Variants in LRRTM3 observed in about 807,000 individuals in gnomAD.
LRRTM3 encodes the protein leucine rich repeat transmembrane neuronal 3.
In LRRTM3, 24 loss-of-function variants were observed where a neutral mutation model predicts 44.7. That is an observed-to-expected ratio of 0.54 (90% CI 0.39 to 0.76). LRRTM3 has a LOEUF of 0.76. Ranked by LOEUF, LRRTM3 falls within the 30% of genes least tolerant of loss-of-function variation. The probability of loss-of-function intolerance (pLI) is 0.00; values close to 1 mark genes in which losing one functional copy is unlikely to be tolerated. For synonymous variants in LRRTM3, 277 were observed against 278.7 expected (o/e 0.99, Z 0.06); for missense variants, 587 against 702.2 (o/e 0.84, Z 1.85).
intron 2 of LRRTM3, among the ~76,000 whole-genome samples, chr10:67,061,686 T>C (rs997653361): frequency 4.6e-5 from 7 of 152,192 alleles, no homozygotes; most frequent in Non-Finnish European, 1.0e-4. Flanking sequence ...ATAAAAGGGA[T>C]GATGAAAGAG....
chr10:66,953,903 C>T (rs991629276), intron 2 of LRRTM3, among the ~76,000 whole-genome samples: 1 of 152,166 alleles, frequency 6.6e-6, no homozygotes, highest in Non-Finnish European at 1.5e-5. Flanking sequence ...TCTGAACCTT[C>T]ATTTCCTCTG....
chr10:66,973,419 A>T (rs1849835779), intron 2 of LRRTM3, among the ~76,000 whole-genome samples: 1 of 152,210 alleles, frequency 6.6e-6, no homozygotes, highest in Non-Finnish European at 1.5e-5. Context: ...TCTGAACTAA[A>T]TTGAACAATA....
intron 2 of LRRTM3, among the ~76,000 whole-genome samples, chr10:66,985,070 C>T (rs113213519): frequency 4.5e-4 from 68 of 152,226 alleles, no homozygotes; most frequent in African/African-American, 1.5e-3. Context: ...CAGATTTTTC[C>T]GTTGTCTAGA....
At chr10:67,072,595 G>C (rs1479527347) in intron 2 of LRRTM3, among the ~76,000 whole-genome samples, 1 of 152,208 alleles carries the variant, frequency 6.6e-6, no homozygotes, top group Non-Finnish European at 1.5e-5. Context: ...GTTGGGGCTA[G>C]ATTGCAGTTT....
chr10:66,981,196 G>A (rs150368558), intron 2 of LRRTM3, among the ~76,000 whole-genome samples: 119 of 152,260 alleles, frequency 7.8e-4, no homozygotes, highest in African/African-American at 2.2e-3. Context: ...GAGCCACCGC[G>A]CCCAGCCACA....
At chr10:67,078,679 G>A (rs1294810852) in intron 2 of LRRTM3, among the ~76,000 whole-genome samples, 1 of 151,946 alleles carries the variant, frequency 6.6e-6, no homozygotes, top group Non-Finnish European at 1.5e-5. Context: ...ACCACACCTG[G>A]CTAATTCTTT....
chr10:66,974,215 T>C (rs766362499), intron 2 of LRRTM3, among the ~76,000 whole-genome samples: 2 of 152,176 alleles, frequency 1.3e-5, no homozygotes, highest in Non-Finnish European at 2.9e-5. Flanking sequence ...CTTGCTTTCT[T>C]TTGCTCATTA....
chr10:66,961,147 A>C (rs1018548647), intron 2 of LRRTM3, among the ~76,000 whole-genome samples: 1 of 152,232 alleles, frequency 6.6e-6, no homozygotes, highest in Admixed American at 6.5e-5. Flanking sequence ...TTTCAAAAAA[A>C]GTTACGAACA....
rs974669148 is a variant in LRRTM3 at position 67,099,564 on chromosome 10, T to C, written c.*1768T>C. On this transcript the variant is annotated 3_prime_UTR_variant, in exon 3 of 3. Transcript: ENST00000361320. ...TTTTATGCAGGTTTGTCACAGCAAA[T>C]GTAAAAGCGGATTCAAGAAGAATGA... 5.3e-5 allele frequency: 8 copies of C among 152,134 alleles called. No homozygotes were observed. The highest frequency in any genetic ancestry group is 1.5e-4 in the African/African-American group (6 of 41,378). 9.4% of individuals were successfully genotyped at this position (152,134 alleles called of 1,614,324 possible). A position where few individuals can be genotyped will look rare whatever the true frequency, so the allele number is the denominator to read the frequency against.
At chr10:66,947,337 G>T (rs952777204) in intron 2 of LRRTM3, among the ~76,000 whole-genome samples, 1 of 152,140 alleles carries the variant, frequency 6.6e-6, no homozygotes, top group East Asian at 1.9e-4. Context: ...AAGAAACAGA[G>T]CTATCACACT....
intron 2 of LRRTM3, among the ~76,000 whole-genome samples, chr10:66,933,340 C>A (rs954093731): frequency 3.3e-5 from 5 of 152,140 alleles, no homozygotes; most frequent in Middle Eastern, 3.2e-3. Flanking sequence ...AGACACCGAC[C>A]AGCGAACACT....
At chr10:67,073,266 T>C (rs1416413203) in intron 2 of LRRTM3, among the ~76,000 whole-genome samples, 1 of 152,202 alleles carries the variant, frequency 6.6e-6, no homozygotes, top group Non-Finnish European at 1.5e-5. Context: ...TAGCTCTGAT[T>C]AGTTTTTAAA....
At chr10:67,041,835 T>C (rs1463330886) in intron 2 of LRRTM3, among the ~76,000 whole-genome samples, 4 of 152,260 alleles carry the variant, frequency 2.6e-5, no homozygotes, top group East Asian at 1.9e-4. Flanking sequence ...AGCTGATATA[T>C]TGTATTCAGG....
intron 2 of LRRTM3, among the ~76,000 whole-genome samples, chr10:67,070,443 G>T (rs768993141): frequency 6.6e-6 from 1 of 151,902 alleles, no homozygotes; most frequent in Non-Finnish European, 1.5e-5. Flanking sequence ...TTTTATGTTT[G>T]TGTCCCGATT....
At position 67,007,852 on chromosome 10, in the gene LRRTM3, CAG is replaced by C. The variant is rs1247800573; in HGVS notation, c.1536+79402_1536+79403del. Among the ~76,000 whole-genome samples, 14 of 152,080 alleles carry C rather than the reference CAG, an allele frequency of 9.2e-5. No homozygotes were observed. The South Asian group carries it at 1.9e-3, about 20-fold the overall frequency. On this transcript the variant is annotated intron_variant, in intron 2 of 2. Transcript: ENST00000361320. ...ATTCACCTCAAAATAGCCATTATTT[CAG>C]ATATTTTGATAAAAATATATACAAA...
At chr10:67,047,531 T>A (rs1388713021) in intron 2 of LRRTM3, among the ~76,000 whole-genome samples, 1 of 152,158 alleles carries the variant, frequency 6.6e-6, no homozygotes, top group East Asian at 1.9e-4. Flanking sequence ...GAAACATGTG[T>A]GCTTCTTGTC....
At chr10:66,999,090 A>C (rs1207757285) in intron 2 of LRRTM3, among the ~76,000 whole-genome samples, 1 of 152,134 alleles carries the variant, frequency 6.6e-6, no homozygotes, top group African/African-American at 2.4e-5. Flanking sequence ...AAATTGGAAC[A>C]CTATAGAAAC....
chr10:67,033,133 C>T (rs1589635061), intron 2 of LRRTM3, among the ~76,000 whole-genome samples: 1 of 152,092 alleles, frequency 6.6e-6, no homozygotes, highest in East Asian at 1.9e-4. Context: ...TTGAAGGAAA[C>T]CGACTGATTT....
At chr10:67,087,699 T>A (rs1452261699) in intron 2 of LRRTM3, among the ~76,000 whole-genome samples, 1 of 152,054 alleles carries the variant, frequency 6.6e-6, no homozygotes, top group East Asian at 1.9e-4. Context: ...TCTAAGCTAA[T>A]GTCATAATGG....
Sources: gnomAD v4.1 joint callset for allele counts (sites outside exome capture counted in the v4.1 genomes callset) on GRCh38, gnomAD v4.1.1 for gene constraint, MANE v1.5 for transcripts, NCBI Gene and HGNC (gene_info 2026-07-23, HGNC 2026-07-21) for gene names.